Variants in PAM observed in about 807,000 individuals in gnomAD.
PAM encodes the protein peptidylglycine alpha-amidating monooxygenase, also known as peptidyl-glycine alpha-amidating monooxygenase.
In PAM, 72 loss-of-function variants were observed where a neutral mutation model predicts 122.1. That is an observed-to-expected ratio of 0.59 (90% CI 0.49 to 0.72). The LOEUF (loss-of-function observed/expected upper bound fraction) is 0.72. Among genes scored for constraint, PAM ranks in the 30% least tolerant of loss-of-function variants. The pLI is 0.00. For missense variants in PAM, 1,106 were observed against 1,183.7 expected, an observed-to-expected ratio of 0.93 and a Z score of 0.96; for synonymous variants, 389 against 404.4, an observed-to-expected ratio of 0.96 and a Z score of 0.46.
intron 14 of PAM, among the ~76,000 whole-genome samples, chr5:102,970,275 T>TA (rs1254798528): frequency 6.6e-6 from 1 of 152,178 alleles, no homozygotes; most frequent in East Asian, 1.9e-4. Flanking sequence ...TAATTCAAAG[T>TA]AAAAAATTAA....
chr5:102,814,552 CAT>C (rs1373492764), intron 1 of PAM, among the ~76,000 whole-genome samples: 3 of 147,784 alleles, frequency 2.0e-5, no homozygotes, highest in Non-Finnish European at 3.0e-5. Context: ...TTGATATATA[CAT>C]ATATATAGAT....
intron 19 of PAM, 91 bp from the exon 20 acceptor site, chr5:103,007,366 G>A: frequency 2.0e-6 from 2 of 1,024,832 alleles, no homozygotes; most frequent in Non-Finnish European, 3.0e-6. Context: ...GCATTTAATG[G>A]TTTACTATCA....
intron 1 of PAM, among the ~76,000 whole-genome samples, chr5:102,811,982 G>C (rs1768063862): frequency 6.6e-6 from 1 of 152,164 alleles, no homozygotes; most frequent in African/African-American, 2.4e-5. Context: ...ACTGATTTGG[G>C]ACTGCAAAAT....
intron 7 of PAM, among the ~76,000 whole-genome samples, chr5:102,940,106 A>G (rs1754608900): frequency 6.8e-6 from 1 of 146,788 alleles, no homozygotes; most frequent in African/African-American, 2.6e-5. Flanking sequence ...CCTTTTATAT[A>G]TGTATACATA....
At chr5:102,816,798 C>T (rs1416654543) in intron 1 of PAM, among the ~76,000 whole-genome samples, 1 of 152,094 alleles carries the variant, frequency 6.6e-6, no homozygotes, top group African/African-American at 2.4e-5. Context: ...TGATCTTATT[C>T]TCTTATTAAG....
chr5:102,951,309 G>T (rs1758808649), intron 12 of PAM, among the ~76,000 whole-genome samples: 1 of 151,874 alleles, frequency 6.6e-6, no homozygotes, highest in Admixed American at 6.6e-5. Context: ...AGAATGTTGA[G>T]CCTTTTAAAT....
chr5:102,974,371 G>A lies in PAM; in HGVS notation c.1418G>A (p.Ser473Asn). The A allele has an allele frequency of 1.2e-6, 2 of 1,614,060 alleles. No individual in the cohort carries two copies. Among genetic ancestry groups the A allele is most frequent in the Non-Finnish European group, 1.7e-6 (2 of 1,179,960 alleles). The change falls in exon 15 of 26, where the codon AGC (serine) becomes AAC (asparagine). Residue 473 changes from serine (S) to asparagine (N), a missense_variant. Physicochemically the swap from Ser to Asn is conservative, Grantham distance 46 (BLOSUM62 1). Around this residue, in one of 3 missense-constraint regions of PAM, gnomAD observed 670 missense variants for 690.3 expected, o/e 0.97. Coordinates refer to ENST00000438793, the MANE Select transcript of PAM (RefSeq NM_001177306.2). ...GTATCTACCTTGAGGCCACCAGAGAGCAGAGTTTTCTCATTACAGCAGCCC... is the reference window on the plus strand; with the variant it reads ...GTATCTACCTTGAGGCCACCAGAGAACAGAGTTTTCTCATTACAGCAGCCC... ...RLVSTLRPPESRVFSLQQPPP... is the reference protein window; with the variant it reads ...RLVSTLRPPENRVFSLQQPPP...
intron 3 of PAM, among the ~76,000 whole-genome samples, chr5:102,868,206 G>C (rs1786206616): frequency 6.6e-6 from 1 of 152,192 alleles, no homozygotes; most frequent in Admixed American, 6.5e-5. Context: ...ATATTGTAGA[G>C]CTGCAGTGGC....
At chr5:102,817,818 C>G (rs1398404071) in intron 1 of PAM, among the ~76,000 whole-genome samples, 1 of 152,080 alleles carries the variant, frequency 6.6e-6, no homozygotes, top group East Asian at 1.9e-4. Context: ...GAAGCCATGT[C>G]TTAGAAAGCT....
intron 14 of PAM, among the ~76,000 whole-genome samples, chr5:102,965,162 G>GACACAC (rs66633444): frequency 0.23 from 31,981 of 138,584 alleles, 3,966 homozygotes; most frequent in East Asian, 0.3. Context: ...TTCCAAAGCA[G>GACACAC]ACACACACAC....
intron 7 of PAM, among the ~76,000 whole-genome samples, chr5:102,936,926 A>G (rs1002390918): frequency 1.3e-5 from 2 of 152,260 alleles, no homozygotes; most frequent in Admixed American, 6.5e-5. Context: ...CAGGTGTGTC[A>G]GGGCAATCTC....
intron 3 of PAM, among the ~76,000 whole-genome samples, chr5:102,876,333 T>C (rs1262809230): frequency 1.3e-5 from 2 of 152,196 alleles, no homozygotes; most frequent in South Asian, 2.1e-4. Flanking sequence ...TGTACCCGTG[T>C]ACCCCTGCAA....
At chr5:103,022,434 G>C (rs1382714323) in intron 23 of PAM, among the ~76,000 whole-genome samples, 2 of 152,024 alleles carry the variant, frequency 1.3e-5, no homozygotes, top group Non-Finnish European at 2.9e-5. Context: ...CTTCTGTTAG[G>C]GGGAGACAGA....
chr5:102,870,991 GT>G (rs529124558), intron 3 of PAM, among the ~76,000 whole-genome samples: 128 of 152,290 alleles, frequency 8.4e-4, no homozygotes, highest in Non-Finnish European at 1.6e-3. Context: ...AATTTGACAT[GT>G]TAACTATCCC....
At chr5:102,905,888 G>A (rs544270265) in intron 4 of PAM, among the ~76,000 whole-genome samples, 22 of 151,718 alleles carry the variant, frequency 1.5e-4, no homozygotes, top group African/African-American at 3.4e-4. Context: ...AATCACCCTG[G>A]AAAACACTTA....
At chr5:102,834,736 C>T (rs996018956) in intron 1 of PAM, among the ~76,000 whole-genome samples, 4 of 151,826 alleles carry the variant, frequency 2.6e-5, no homozygotes, top group African/African-American at 9.7e-5. Flanking sequence ...GAAAAGGAGG[C>T]CATTGTGCTG....
At chr5:102,948,304 G>T in intron 8 of PAM, 74 bp from the exon 9 acceptor site, 2 of 787,242 alleles carry the variant, frequency 2.5e-6, no homozygotes, top group Admixed American at 1.9e-5. Context: ...AAGTATTGAG[G>T]TATATGCTGT....
chr5:102,893,425 T>C (rs1330634866), intron 3 of PAM, among the ~76,000 whole-genome samples: 1 of 151,708 alleles, frequency 6.6e-6, no homozygotes, highest in Non-Finnish European at 1.5e-5. Flanking sequence ...AAATATGATT[T>C]ATGTGGGAGA....
At chr5:103,026,154 AT>A (rs1198607894) in intron 24 of PAM, among the ~76,000 whole-genome samples, 2 of 152,170 alleles carry the variant, frequency 1.3e-5, no homozygotes, top group Non-Finnish European at 2.9e-5. Flanking sequence ...AGCTGAGTTT[AT>A]TTTAGGACAT....
Sources: gnomAD v4.1 joint callset for allele counts (sites outside exome capture counted in the v4.1 genomes callset) on GRCh38, gnomAD v4.1.1 for gene constraint, gnomAD v4.1.1 regional missense constraint, MANE v1.5 for transcripts, NCBI Gene and HGNC (gene_info 2026-07-23, HGNC 2026-07-21) for gene names.